Variants in GPM6A observed in about 807,000 individuals in gnomAD.
The protein encoded by GPM6A is glycoprotein M6A.
Under a neutral mutation model 32.1 loss-of-function variants are expected in GPM6A, and 7 were observed. That is an observed-to-expected ratio of 0.22 (90% CI 0.12 to 0.41). The LOEUF (loss-of-function observed/expected upper bound fraction) is 0.41. Among genes scored for constraint, GPM6A ranks in the 10% least tolerant of loss-of-function variants. GPM6A has a pLI of 1.00. For missense variants in GPM6A, 235 were observed against 347.2 expected (o/e 0.68, Z 2.57); for synonymous variants, 130 against 123.4 (o/e 1.05, Z -0.35).
rs1740458836 is a variant in GPM6A, at chr4:175,634,403, A to C, written c.*502T>G. On this transcript the variant is annotated 3_prime_UTR_variant, in exon 7 of 7. Coordinates refer to ENST00000393658, the MANE Select transcript of GPM6A (RefSeq NM_201591.3). ...AATATGGCCACTGATCTTCAGACAA[A>C]ATTTCCATATTTCAAGAGTCATCAA... The C allele has an allele frequency of 6.6e-6, 1 of 152,616 alleles. No homozygotes were observed. 9.5% of individuals were successfully genotyped at this position (152,616 alleles called of 1,614,324 possible). A position where few individuals can be genotyped will look rare whatever the true frequency, so the allele number is the denominator to read the frequency against.
intron 1 of GPM6A, among the ~76,000 whole-genome samples, chr4:175,717,755 A>T (rs1425881597): frequency 2.6e-5 from 4 of 152,222 alleles, no homozygotes; most frequent in Admixed American, 6.5e-5. Context: ...TACACAATTT[A>T]GTCTTCATGT....
chr4:175,836,886 G>A (rs1242124244), intron 1 of GPM6A, among the ~76,000 whole-genome samples: 1 of 152,098 alleles, frequency 6.6e-6, no homozygotes, highest in Admixed American at 6.6e-5. Context: ...GCTTCACCAG[G>A]CATAGCAGGG....
At chr4:175,680,698 C>T (rs1323305810) in intron 2 of GPM6A, among the ~76,000 whole-genome samples, 1 of 152,138 alleles carries the variant, frequency 6.6e-6, no homozygotes, top group Admixed American at 6.6e-5. Flanking sequence ...ACTTTTCTAT[C>T]CTGTCCGTCC....
At chr4:175,775,048 T>C (rs1223642789) in intron 1 of GPM6A, among the ~76,000 whole-genome samples, 1 of 152,116 alleles carries the variant, frequency 6.6e-6, no homozygotes, top group Non-Finnish European at 1.5e-5. Flanking sequence ...AGTGCTAACA[T>C]TTTTATTTTT....
intron 2 of GPM6A, among the ~76,000 whole-genome samples, chr4:175,692,078 T>C (rs371400338): frequency 1.5e-4 from 23 of 152,350 alleles, no homozygotes; most frequent in African/African-American, 5.5e-4. Context: ...ACCCATTTCA[T>C]ACTTGTGACC....
chr4:175,936,745 T>C (rs1426811535), intron 1 of GPM6A, among the ~76,000 whole-genome samples: 1 of 151,952 alleles, frequency 6.6e-6, no homozygotes, highest in Non-Finnish European at 1.5e-5. Context: ...AAAAATACCA[T>C]AAAGCTAAAA....
exon 1 of GPM6A, chr4:176,002,322 T>C (rs754561523): frequency 1.3e-6 from 2 of 1,592,556 alleles, no homozygotes; most frequent in South Asian, 2.3e-5. Context: ...TGGCCCGAGG[T>C]CCTGCTTCTC....
In GPM6A at chr4:175,640,142, G is replaced by T; in HGVS notation, c.671C>A (p.Ala224Glu). 1 of 1,613,162 alleles carries T rather than the reference G, an allele frequency of 6.2e-7. No individual in the cohort carries two copies. The highest frequency in any genetic ancestry group is 8.5e-7 in the Non-Finnish European group (1 of 1,179,184). Reference sequence around the variant, plus strand: ...TTGAGGTCTTACCATAGCAATGACTGCTGCCCCAGCTCCAGCAAGTGCCAC... The same window carrying T: ...TTGAGGTCTTACCATAGCAATGACTTCTGCCCCAGCTCCAGCAAGTGCCAC... The part of the protein sequence containing the change: ...FIVALAGAGA[A>E]VIAMVHYLMV... Residue 224 changes from alanine (A) to glutamate (E), a missense_variant, in exon 6 of 7, where the codon GCA (alanine) becomes GAA (glutamate). Ala to Glu is a moderately radical substitution (Grantham distance 107). Around this residue, in one of 3 missense-constraint regions of GPM6A, gnomAD observed 107 missense variants for 116.7 expected, o/e 0.92. Transcript: ENST00000393658.
intron 3 of GPM6A, among the ~76,000 whole-genome samples, chr4:175,668,755 A>G (rs1742890952): frequency 6.6e-6 from 1 of 152,222 alleles, no homozygotes; most frequent in South Asian, 2.1e-4. Flanking sequence ...AAAAGCAAAG[A>G]TTAAAATGAG....
At chr4:175,741,089 T>C (rs925134573) in intron 1 of GPM6A, among the ~76,000 whole-genome samples, 1 of 152,064 alleles carries the variant, frequency 6.6e-6, no homozygotes, top group Non-Finnish European at 1.5e-5. Context: ...TAATTGGTTC[T>C]CCAACGTATT....
upstream of GPM6A, among the ~76,000 whole-genome samples, chr4:175,815,326 G>A (rs1452995693): frequency 6.6e-6 from 1 of 152,028 alleles, no homozygotes; most frequent in Non-Finnish European, 1.5e-5. Context: ...AGTTGTTGTT[G>A]CTAATGGTGG....
intron 1 of GPM6A, among the ~76,000 whole-genome samples, chr4:175,874,737 A>G (rs1171308820): frequency 6.6e-6 from 1 of 152,204 alleles, no homozygotes; most frequent in Non-Finnish European, 1.5e-5. Flanking sequence ...CCAGAAAGGT[A>G]GATGGCACCG....
chr4:175,966,126 G>A (rs896598167), intron 1 of GPM6A, among the ~76,000 whole-genome samples: 1 of 152,000 alleles, frequency 6.6e-6, no homozygotes. Flanking sequence ...ATATTTTCAG[G>A]CTTGTTGCAG....
chr4:175,875,583 A>G (rs1046936740), intron 1 of GPM6A, among the ~76,000 whole-genome samples: 1 of 152,192 alleles, frequency 6.6e-6, no homozygotes, highest in African/African-American at 2.4e-5. Flanking sequence ...TTACTTTTTT[A>G]TAACAAACTA....
At chr4:175,973,150 A>G (rs1302926184) in intron 1 of GPM6A, among the ~76,000 whole-genome samples, 4 of 152,228 alleles carry the variant, frequency 2.6e-5, no homozygotes, top group African/African-American at 7.2e-5. Flanking sequence ...TAGATGCAAC[A>G]TCTTCTAAAG....
At chr4:175,762,761 T>C (rs1732800061) in intron 1 of GPM6A, among the ~76,000 whole-genome samples, 2 of 152,168 alleles carry the variant, frequency 1.3e-5, no homozygotes, top group South Asian at 2.1e-4. Flanking sequence ...GTGCAGATGA[T>C]TGCTTTTTCT....
At chr4:175,834,779 T>C (rs1579552755) in intron 1 of GPM6A, among the ~76,000 whole-genome samples, 1 of 152,254 alleles carries the variant, frequency 6.6e-6, no homozygotes, top group East Asian at 1.9e-4. Flanking sequence ...ACATCTCTTC[T>C]TAATTTTATT....
chr4:175,711,178 T>C (rs1745506158), intron 1 of GPM6A, among the ~76,000 whole-genome samples: 1 of 151,916 alleles, frequency 6.6e-6, no homozygotes, highest in Admixed American at 6.6e-5. Context: ...CACAAGCATA[T>C]TTGTTTCAAA....
At chr4:175,674,679 C>G (rs1022287098) in intron 2 of GPM6A, among the ~76,000 whole-genome samples, 1 of 152,054 alleles carries the variant, frequency 6.6e-6, no homozygotes, top group East Asian at 1.9e-4. Context: ...TAGTTGTATT[C>G]TATTTTGTAC....
Sources: gnomAD v4.1 joint callset for allele counts (sites outside exome capture counted in the v4.1 genomes callset) on GRCh38, gnomAD v4.1.1 for gene constraint, gnomAD v4.1.1 regional missense constraint, MANE v1.5 for transcripts, NCBI Gene and HGNC (gene_info 2026-07-23, HGNC 2026-07-21) for gene names.